DOCK11: variants seen among roughly 807,000 people sequenced by gnomAD.
DOCK11 encodes dedicator of cytokinesis protein 11.
Under a neutral mutation model 169.1 loss-of-function variants are expected in DOCK11, and 70 were observed. The observed-to-expected ratio is 0.41, with a 90% confidence interval of 0.34 to 0.51. DOCK11 has a LOEUF of 0.51. DOCK11 is among the 20% of genes least tolerant of loss of function. The pLI is 0.10. For synonymous variants in DOCK11, 529 were observed against 541.3 expected (o/e 0.98, Z 0.32); for missense variants, 1,166 against 1,538.8 (o/e 0.76, Z 4.05).
chrX:118,673,264 G>C (rs1031705717), intron 46 of DOCK11, among the ~76,000 whole-genome samples: 1 of 111,810 alleles, frequency 8.9e-6, no homozygotes, highest in Non-Finnish European at 1.9e-5. Flanking sequence ...AGGGGTGTAA[G>C]GGTCTGTATA....
At chrX:118,508,117 T>C (rs2147309551) in intron 1 of DOCK11, among the ~76,000 whole-genome samples, 1 of 110,456 alleles carries the variant, frequency 9.1e-6, no homozygotes, top group Admixed American at 9.6e-5. Flanking sequence ...AAGATCAGTA[T>C]AGATTTTTGC....
chrX:118,650,063 G>A (rs1415943175), intron 41 of DOCK11, among the ~76,000 whole-genome samples: 1 of 111,549 alleles, frequency 9.0e-6, no homozygotes, highest in African/African-American at 3.3e-5. Flanking sequence ...ATGTGTCAAG[G>A]TTTAGTGGAA....
intron 1 of DOCK11, among the ~76,000 whole-genome samples, chrX:118,529,858 C>T (rs2147329532): frequency 9.0e-6 from 1 of 111,227 alleles, no homozygotes; most frequent in South Asian, 3.8e-4. Flanking sequence ...TATGAGATAA[C>T]ATGACCCATT....
At chrX:118,525,324 A>G (rs1415940444) in intron 1 of DOCK11, among the ~76,000 whole-genome samples, 1 of 111,400 alleles carries the variant, frequency 9.0e-6, no homozygotes, top group African/African-American at 3.3e-5. Context: ...CAGATGACCA[A>G]TGGAATATTA....
intron 6 of DOCK11, among the ~76,000 whole-genome samples, chrX:118,552,520 A>C (rs2012535061): frequency 8.9e-6 from 1 of 112,527 alleles, no homozygotes; most frequent in Non-Finnish European, 1.9e-5. Context: ...GTTAAGATAT[A>C]ATCTGTACCA....
At position 118,671,032 on chromosome X, in the gene DOCK11, C is replaced by A; in HGVS notation, c.5086C>A (p.Leu1696Met). 1 of 1,182,519 alleles carries A rather than the reference C, an allele frequency of 8.5e-7. No individual in the cohort carries two copies. ...TTTTCTCTTAATGCAGGAGGTCTTG[C>A]TGGAGTTGCTAGAACAATGTGTGGA... ...MDVHYSEEVLLELLEQCVDGL... is the reference protein window; with the variant it reads ...MDVHYSEEVLMELLEQCVDGL... The change falls in exon 46 of 53, where the codon CTG (leucine) becomes ATG (methionine). Residue 1696 changes from leucine (L) to methionine (M), a missense_variant. Leu to Met is a conservative substitution (Grantham distance 15). Transcript: ENST00000276202.
At chrX:118,681,347 C>T (rs770709703) in intron 50 of DOCK11, 99 bp downstream of exon 50, 10 of 814,234 alleles carry the variant, frequency 1.2e-5, no homozygotes, top group Non-Finnish European at 5.0e-6. Context: ...GTGTTGGGCA[C>T]TTACTGAGTG....
At chrX:118,644,381 A>G (rs2015604822) in intron 40 of DOCK11, among the ~76,000 whole-genome samples, 1 of 112,196 alleles carries the variant, frequency 8.9e-6, no homozygotes, top group African/African-American at 3.2e-5. Context: ...TTTAATAGAT[A>G]CAGAAATTAG....
chrX:118,679,887 A>G (rs2016697545), intron 48 of DOCK11, among the ~76,000 whole-genome samples: 1 of 108,473 alleles, frequency 9.2e-6, no homozygotes, highest in African/African-American at 3.4e-5. Context: ...AATGTGAATA[A>G]TGATCATTGC....
chrX:118,513,798 G>A (rs935290508), intron 1 of DOCK11, among the ~76,000 whole-genome samples: 2 of 111,542 alleles, frequency 1.8e-5, no homozygotes, highest in Non-Finnish European at 3.8e-5. Flanking sequence ...TTTAATCGAT[G>A]ATTTTGCTTC....
chrX:118,555,642 C>T (rs1352083980), intron 6 of DOCK11, among the ~76,000 whole-genome samples: 6 of 110,971 alleles, frequency 5.4e-5, no homozygotes, highest in South Asian at 3.8e-4. Context: ...AGGTTGCCAA[C>T]GTAGTGGTAG....
At chrX:118,629,816 ATTT>A (rs67646403) in intron 34 of DOCK11, among the ~76,000 whole-genome samples, 2 of 75,438 alleles carry the variant, frequency 2.7e-5, no homozygotes, top group Non-Finnish European at 4.9e-5. Context: ...ACCCAGCTAA[ATTT>A]TTTTTTTTTT....
At chrX:118,575,697 T>C (rs2013422420) in intron 12 of DOCK11, among the ~76,000 whole-genome samples, 1 of 112,348 alleles carries the variant, frequency 8.9e-6, no homozygotes, top group South Asian at 3.7e-4. Context: ...TGATGGTGGA[T>C]GCTTCTGAAA....
chrX:118,542,662 A>G lies in DOCK11; in HGVS notation c.103-63A>G, dbSNP rs1002228699. ...TTGAGAAGTAATGTATCTTTAGTAC[A>G]TAGAAAGTTATTTAACTCTTGTGAG... is the stretch of plus-strand genomic sequence containing the variant. On this transcript the variant is annotated intron_variant, in intron 1 of 52. Transcript: ENST00000276202. 27 of 824,462 alleles carry G rather than the reference A, an allele frequency of 3.3e-5. No homozygotes were observed. In the African/African-American group the frequency reaches 4.7e-4, roughly 14 times the overall value. 67.9% of individuals were successfully genotyped at this position (824,462 alleles called of 1,213,427 possible).
Position 118,543,744 on chromosome X carries a change from A to G in DOCK11, c.392+151A>G, listed in dbSNP as rs182538890. ...GGCGGGCAGATCACAAGGTCAGGAG[A>G]TCGAGACCATCCTGGCTAACACGGT... is the stretch of plus-strand genomic sequence containing the variant. On this transcript the variant is annotated intron_variant, in intron 4 of 52. Coordinates refer to ENST00000276202, the MANE Select transcript of DOCK11 (RefSeq NM_144658.4). 3.6e-3 allele frequency: 1,421 copies of G among 397,861 alleles called. 19 individuals carry two copies. Among genetic ancestry groups the G allele is most frequent in the African/African-American group, 0.032 (1,281 of 39,520 alleles). 32.8% of individuals were successfully genotyped at this position (397,861 alleles called of 1,213,427 possible).
intron 1 of DOCK11, among the ~76,000 whole-genome samples, chrX:118,542,068 C>G (rs1446777543): frequency 8.9e-6 from 1 of 111,869 alleles, no homozygotes; most frequent in Non-Finnish European, 1.9e-5. Context: ...GCAGTAAATA[C>G]CAACAGGCAC....
At chrX:118,662,394 T>A (rs2016236866) in intron 44 of DOCK11, among the ~76,000 whole-genome samples, 1 of 112,208 alleles carries the variant, frequency 8.9e-6, no homozygotes, top group Non-Finnish European at 1.9e-5. Context: ...TAAATAAAAA[T>A]GTTTAGATTG....
At chrX:118,542,517 TG>T (rs2012055201) in intron 1 of DOCK11, among the ~76,000 whole-genome samples, 7 of 65,443 alleles carry the variant, frequency 1.1e-4, no homozygotes, top group Non-Finnish European at 1.9e-4. Flanking sequence ...TGTGTGTGTG[TG>T]TTTGTGTGTG....
chrX:118,626,260 G>A (rs1003082766), intron 32 of DOCK11, among the ~76,000 whole-genome samples: 18 of 24,832 alleles, frequency 7.2e-4, no homozygotes, highest in Admixed American at 1.7e-3. Flanking sequence ...GTAGAGACGG[G>A]GGGTTTCACC....
Sources: gnomAD v4.1 joint callset for allele counts (sites outside exome capture counted in the v4.1 genomes callset) on GRCh38, gnomAD v4.1.1 for gene constraint, MANE v1.5 for transcripts, NCBI Gene and HGNC (gene_info 2026-07-23, HGNC 2026-07-21) for gene names.